MTMR6: variants seen among roughly 807,000 people sequenced by gnomAD.
MTMR6 encodes the protein phosphatidylinositol-3,5-bisphosphate 3-phosphatase MTMR6.
In MTMR6, 47 loss-of-function variants were observed where a neutral mutation model predicts 80.1. The ratio of observed to expected loss-of-function variants is 0.59; its 90% CI spans 0.46 to 0.75. The LOEUF is 0.75. Among genes scored for constraint, MTMR6 ranks in the 30% least tolerant of loss-of-function variants. The pLI, the probability that MTMR6 is intolerant of heterozygous loss-of-function variation, is 0.00. For synonymous variants in MTMR6, 254 were observed against 253.0 expected, an observed-to-expected ratio of 1.00 and a Z score of -0.04; for missense variants, 629 against 730.9, an observed-to-expected ratio of 0.86 and a Z score of 1.61.
chr13:25,266,650 T>C (rs1380661084), intron 3 of MTMR6, among the ~76,000 whole-genome samples: 1 of 152,226 alleles, frequency 6.6e-6, no homozygotes, highest in South Asian at 2.1e-4. Flanking sequence ...AATGTTATAA[T>C]GAGAAGCTAG....
intron 1 of MTMR6, among the ~76,000 whole-genome samples, chr13:25,278,820 G>A (rs1457181914): frequency 1.3e-5 from 2 of 151,984 alleles, no homozygotes; most frequent in East Asian, 3.9e-4. Context: ...TGGAGGCAGA[G>A]GTTGCACAGA....
At chr13:25,254,357 AAT>A in intron 10 of MTMR6, 26 bp downstream of exon 10, 2 of 1,506,248 alleles carry the variant, frequency 1.3e-6, no homozygotes, top group Non-Finnish European at 1.8e-6. Flanking sequence ...AATTTTATAA[AAT>A]ATATGACTGT....
chr13:25,272,587 C>G (rs1957604225), intron 2 of MTMR6, among the ~76,000 whole-genome samples: 1 of 152,164 alleles, frequency 6.6e-6, no homozygotes. Context: ...ACCCTTGTTC[C>G]TCTACTTCCC....
rs1251244845 is a variant in MTMR6 at position 25,249,184 on chromosome 13, A to G, written c.*48T>C. ...GTTATGCTTACAGACCATCCTCACAATAATCCTTTTCTTGTACTGCAATCA... is the reference window on the plus strand; with the variant it reads ...GTTATGCTTACAGACCATCCTCACAGTAATCCTTTTCTTGTACTGCAATCA... On this transcript the variant is annotated 3_prime_UTR_variant, in exon 14 of 14. Coordinates refer to ENST00000381801, the MANE Select transcript of MTMR6 (RefSeq NM_004685.5). 5 of 1,589,510 alleles carry G rather than the reference A, an allele frequency of 3.1e-6. No individual in the cohort carries two copies. In the South Asian group the frequency reaches 4.5e-5, roughly 14 times the overall value.
At chr13:25,261,589 G>T in intron 6 of MTMR6, 79 bp downstream of exon 6, 1 of 1,209,664 alleles carries the variant, frequency 8.3e-7, no homozygotes, top group Non-Finnish European at 1.1e-6. Flanking sequence ...TTTAAATATG[G>T]GCAAGTTTAT....
chr13:25,271,034 C>T (rs1957563041), intron 2 of MTMR6, among the ~76,000 whole-genome samples: 1 of 151,964 alleles, frequency 6.6e-6, no homozygotes, highest in African/African-American at 2.4e-5. Context: ...TGCTATATAC[C>T]CATTTTATGT....
At chr13:25,266,948 A>G (rs966263879) in intron 3 of MTMR6, among the ~76,000 whole-genome samples, 6 of 152,188 alleles carry the variant, frequency 3.9e-5, no homozygotes, top group African/African-American at 1.4e-4. Flanking sequence ...CCAGATCCAC[A>G]GGGCATAAGT....
At chr13:25,250,104 A>G (rs2137512473) in intron 13 of MTMR6, among the ~76,000 whole-genome samples, 1 of 152,244 alleles carries the variant, frequency 6.6e-6, no homozygotes, top group South Asian at 2.1e-4. Context: ...AATTTACTCA[A>G]GCAGTCATTA....
chr13:25,256,520 T>G (rs183364311), intron 9 of MTMR6, among the ~76,000 whole-genome samples: 13 of 152,292 alleles, frequency 8.5e-5, no homozygotes, highest in Non-Finnish European at 1.9e-4. Flanking sequence ...TTCTAACATC[T>G]CTTCATTTAA....
At chr13:25,276,245 A>C (rs1257023264) in intron 1 of MTMR6, among the ~76,000 whole-genome samples, 1 of 152,188 alleles carries the variant, frequency 6.6e-6, no homozygotes, top group Admixed American at 6.5e-5. Flanking sequence ...CAAAGTTTTT[A>C]AGGCTCTAAC....
rs1426911100 is a variant in MTMR6 at position 25,247,742 on chromosome 13, GGATAA to G, written c.*1485_*1489del. The G allele has an allele frequency of 6.6e-6, 1 of 152,022 alleles. No homozygotes were observed. The highest frequency in any genetic ancestry group is 2.4e-5 in the African/African-American group (1 of 41,396). 9.4% of individuals were successfully genotyped at this position (152,022 alleles called of 1,614,324 possible). A position where few individuals can be genotyped will look rare whatever the true frequency, so the allele number is the denominator to read the frequency against. ...CAGAAAAGCATTGGAAAAATAAACA[GGATAA>G]GATAAGCTCTCATACAATAAAGTTT... On this transcript the variant is annotated 3_prime_UTR_variant, in exon 14 of 14. Coordinates refer to ENST00000381801, the MANE Select transcript of MTMR6 (RefSeq NM_004685.5).
At chr13:25,255,532 T>C (rs546943290) in intron 9 of MTMR6, among the ~76,000 whole-genome samples, 1 of 149,292 alleles carries the variant, frequency 6.7e-6, no homozygotes, top group African/African-American at 2.4e-5. Flanking sequence ...CTCTACTTTC[T>C]TTTTTTTTTG....
At chr13:25,252,130 G>T in intron 11 of MTMR6, 146 bp from the exon 12 acceptor site, 1 of 804,912 alleles carries the variant, frequency 1.2e-6, no homozygotes, top group Non-Finnish European at 1.9e-6. Context: ...CCTTGTCTCA[G>T]AATTCTGTAT....
intron 2 of MTMR6, among the ~76,000 whole-genome samples, chr13:25,272,046 A>G (rs1446395145): frequency 6.6e-6 from 1 of 152,244 alleles, no homozygotes; most frequent in Non-Finnish European, 1.5e-5. Context: ...AGATGTTTTT[A>G]TGACAGAGCT....
Position 25,274,112 on chromosome 13 carries a change from T to G in MTMR6, c.100A>C (p.Thr34Pro), listed in dbSNP as rs999078942. 1.9e-6 allele frequency: 3 copies of G among 1,612,570 alleles called. No homozygotes were observed. The highest frequency in any genetic ancestry group is 2.5e-6 in the Non-Finnish European group (3 of 1,179,218). ...SLTGTLYLTA[T>P]HLLFIDSHQK... ...TGAGAGTCGATAAATAATAGATGTG[T>G]AGCCGTAAGATACAGTGTTCCTGTT... Residue 34 changes from threonine to proline, a missense_variant, in exon 2 of 14, where the codon ACA (threonine) becomes CCA (proline). Thr to Pro is a conservative substitution (Grantham distance 38). Transcript: ENST00000381801.
intron 1 of MTMR6, among the ~76,000 whole-genome samples, chr13:25,278,960 A>G (rs1593157689): frequency 6.6e-6 from 1 of 152,158 alleles, no homozygotes; most frequent in South Asian, 2.1e-4. Context: ...TTTGAAGAAC[A>G]TGTAGATAAA....
intron 2 of MTMR6, among the ~76,000 whole-genome samples, chr13:25,272,644 T>C (rs1957604954): frequency 6.6e-6 from 1 of 152,206 alleles, no homozygotes; most frequent in African/African-American, 2.4e-5. Flanking sequence ...TTCCCATCTT[T>C]GTGCTCGTAT....
At chr13:25,258,792 G>A in intron 6 of MTMR6, 100 bp from the exon 7 acceptor site, 1 of 1,060,676 alleles carries the variant, frequency 9.4e-7, no homozygotes, top group Non-Finnish European at 1.3e-6. Context: ...CTAGGAGGCA[G>A]TTTAAAGGAA....
intron 6 of MTMR6, among the ~76,000 whole-genome samples, chr13:25,259,111 T>C (rs776553679): frequency 6.6e-6 from 1 of 152,226 alleles, no homozygotes; most frequent in South Asian, 2.1e-4. Flanking sequence ...GCCTAGGGCA[T>C]TGATCATTCT....
Sources: gnomAD v4.1 joint callset for allele counts (sites outside exome capture counted in the v4.1 genomes callset) on GRCh38, gnomAD v4.1.1 for gene constraint, MANE v1.5 for transcripts, NCBI Gene and HGNC (gene_info 2026-07-23, HGNC 2026-07-21) for gene names.